KLHDC8A: variants seen among roughly 807,000 people sequenced by gnomAD.
The protein encoded by KLHDC8A is kelch domain-containing protein 8A.
In KLHDC8A, 21 loss-of-function variants were observed where a neutral mutation model predicts 33.1. The ratio of observed to expected loss-of-function variants is 0.64; its 90% CI spans 0.45 to 0.91. The LOEUF (loss-of-function observed/expected upper bound fraction) is 0.91, where lower values mean the gene tolerates loss of function less well. Ranked by LOEUF, KLHDC8A falls within the 40% of genes least tolerant of loss-of-function variation. The probability of loss-of-function intolerance (pLI) is 0.00; values close to 1 mark genes in which losing one functional copy is unlikely to be tolerated. For missense variants in KLHDC8A, 435 were observed against 483.3 expected, an observed-to-expected ratio of 0.90 and a Z score of 0.94; for synonymous variants, 173 against 193.5, an observed-to-expected ratio of 0.89 and a Z score of 0.88.
rs968343402 is a variant in KLHDC8A at position 205,343,834 on chromosome 1, C to G, written c.-189-41G>C. ...GGTGAATCAAGGGCAGCTGGGGCCA[C>G]GCGCCCTCCGGCGGGCAGCGGATGG... is the stretch of plus-strand genomic sequence containing the variant. On this transcript the variant is annotated intron_variant, in intron 1 of 5. Transcript: ENST00000367155. 5 of 511,760 alleles carry G rather than the reference C, an allele frequency of 9.8e-6. No individual in the cohort carries two copies. The Middle Eastern group carries it at 1.5e-3, about 153-fold the overall frequency. The allele number at this position is 511,760 out of a possible 1,614,324, so 31.7% of individuals were successfully genotyped here. A position where few individuals can be genotyped will look rare whatever the true frequency, so the allele number is the denominator to read the frequency against.
intron 1 of KLHDC8A, chr1:205,351,601 TCAAAAAAAA>T: frequency 3.5e-5 from 9 of 257,812 alleles, no homozygotes; most frequent in East Asian, 9.0e-5. Flanking sequence ...TCTGTAATAG[TCAAAAAAAA>T]AAAAAAAAAA....
intron 1 of KLHDC8A, among the ~76,000 whole-genome samples, chr1:205,352,981 G>A (rs1021185469): frequency 2.0e-5 from 3 of 152,210 alleles, no homozygotes; most frequent in African/African-American, 7.2e-5. Flanking sequence ...ACCACCACTA[G>A]GGATCCAGTG....
At chr1:205,355,194 A>G (rs1663233271) in intron 1 of KLHDC8A, among the ~76,000 whole-genome samples, 1 of 152,160 alleles carries the variant, frequency 6.6e-6, no homozygotes, top group South Asian at 2.1e-4. Context: ...AGATGCTGGG[A>G]GCCCAAAGTC....
chr1:205,346,039 A>G (rs1186689408), intron 1 of KLHDC8A, among the ~76,000 whole-genome samples: 1 of 152,166 alleles, frequency 6.6e-6, no homozygotes, highest in African/African-American at 2.4e-5. Flanking sequence ...GCACCATTGC[A>G]CTCCATCCAA....
Position 205,356,663 on chromosome 1 carries a change from C to A in KLHDC8A, c.-320G>T, listed in dbSNP as rs1405920847. 2.2e-6 allele frequency: 1 copy of A among 449,654 alleles called. No homozygotes were observed. Among genetic ancestry groups the A allele is most frequent in the Non-Finnish European group, 4.5e-6 (1 of 223,860 alleles). The allele number at this position is 449,654 out of a possible 1,614,324, so 27.9% of individuals were successfully genotyped here. On this transcript the variant is annotated 5_prime_UTR_variant, in exon 1 of 6. Coordinates refer to ENST00000367155, the MANE Select transcript of KLHDC8A (RefSeq NM_018203.3). ...AGGAGCTGGCTGGGAATAGAGTCGG[C>A]AAGGTCCCCAGGGTCCCCAGGGCTT...
chr1:205,339,859 G>C lies in KLHDC8A; in HGVS notation c.377-51C>G, dbSNP rs1362870663. Reference sequence around the variant, plus strand: ...CTGGCTTAGCTCACAGGTACAGCAAGACAGGCCCACCAGCATCTATTGCCT... The same window carrying C: ...CTGGCTTAGCTCACAGGTACAGCAACACAGGCCCACCAGCATCTATTGCCT... On this transcript the variant is annotated intron_variant, in intron 2 of 5. Coordinates refer to ENST00000367155, the MANE Select transcript of KLHDC8A (RefSeq NM_018203.3). This position sits in a 1 kb window ranked among gnomAD's most constrained non-coding sequence, Gnocchi z 5.1. 2 of 1,568,690 alleles carry C rather than the reference G, an allele frequency of 1.3e-6. No homozygotes were observed. Among genetic ancestry groups the C allele is most frequent in the South Asian group, 1.2e-5 (1 of 86,302 alleles).
chr1:205,345,078 C>A (rs1574910895), intron 1 of KLHDC8A, among the ~76,000 whole-genome samples: 1 of 152,150 alleles, frequency 6.6e-6, no homozygotes, highest in African/African-American at 2.4e-5. Flanking sequence ...ACAAAGGTGC[C>A]CATGAGGCCA....
rs755031202 is a variant in KLHDC8A at position 205,343,542 on chromosome 1, C to T, written c.63G>A (p.Arg21=). 13 of 1,612,490 alleles carry T rather than the reference C, an allele frequency of 8.1e-6. No individual in the cohort carries two copies. In the South Asian group the frequency reaches 1.3e-4, roughly 16 times the overall value. Residue 21 remains arginine (R), a synonymous_variant, in exon 2 of 6, where the codon CGG becomes CGA. Transcript: ENST00000367155. ...WKRLAPLPSR[R]VYCSLLETGG... is the part of the protein sequence containing the mutation. ...CGGTCTCCAGCAGGGAGCAGTAGAC[C>T]CGGCGGCTGGGCAGTGGCGCCAGGC...
intron 1 of KLHDC8A, among the ~76,000 whole-genome samples, chr1:205,353,820 C>G (rs1305016782): frequency 6.6e-6 from 1 of 152,232 alleles, no homozygotes. Flanking sequence ...GACATTTACT[C>G]TGTTTATCAC....
chr1:205,344,405 A>C (rs1662889696), intron 1 of KLHDC8A: 1 of 152,384 alleles, frequency 6.6e-6, no homozygotes, highest in Non-Finnish European at 1.5e-5. Context: ...GTCCCGGGAC[A>C]CAGCGTGCTG....
Position 205,339,085 on chromosome 1 carries a change from C to A in KLHDC8A, c.757+109G>T, listed in dbSNP as rs1182244751. The A allele has an allele frequency of 6.9e-6, 6 of 869,014 alleles. No individual in the cohort carries two copies. The East Asian group carries it at 1.3e-4, about 19-fold the overall frequency. 53.8% of individuals were successfully genotyped at this position (869,014 alleles called of 1,614,324 possible). A position where few individuals can be genotyped will look rare whatever the true frequency, so the allele number is the denominator to read the frequency against. ...TGCTGAGACTTCTGAGAAGCTTGCCCAGCTGGGTAAACGGCCCTGGAAGAT... is the reference window on the plus strand; with the variant it reads ...TGCTGAGACTTCTGAGAAGCTTGCCAAGCTGGGTAAACGGCCCTGGAAGAT... On this transcript the variant is annotated intron_variant, in intron 4 of 5. Transcript: ENST00000367155. The surrounding 1 kb of genome is among the most constrained non-coding windows in gnomAD (Gnocchi z 5.1).
At chr1:205,338,696 G>A in intron 4 of KLHDC8A, 100 bp from the exon 5 acceptor site, 2 of 870,980 alleles carry the variant, frequency 2.3e-6, no homozygotes, top group African/African-American at 1.6e-5. Context: ...ACCCTGGGCA[G>A]TGTCTTCACT....
chr1:205,348,031 C>T (rs1167790280), intron 1 of KLHDC8A, among the ~76,000 whole-genome samples: 1 of 152,192 alleles, frequency 6.6e-6, no homozygotes. Flanking sequence ...CAGGCATGCA[C>T]CACCTTGACA....
chr1:205,350,793 G>A lies in KLHDC8A; in HGVS notation c.-190+5740C>T, dbSNP rs912890297. On this transcript the variant is annotated intron_variant, in intron 1 of 5. Coordinates refer to ENST00000367155, the MANE Select transcript of KLHDC8A (RefSeq NM_018203.3). ...GGGCCAGCCTGCCTATCATGATGGC[G>A]TGCGTGCCTGTGTGTGCATGTGTGT... 6.4e-5 allele frequency among the ~76,000 whole-genome samples: 6 copies of A among 93,264 alleles called. No individual in the cohort carries two copies. The East Asian group carries it at 1.9e-3, about 29-fold the overall frequency. The allele number at this position is 93,264 out of a possible 152,430, so 61.2% of individuals were successfully genotyped here. A position where few individuals can be genotyped will look rare whatever the true frequency, so the allele number is the denominator to read the frequency against.
chr1:205,354,793 CAATT>C (rs1663218609), intron 1 of KLHDC8A, among the ~76,000 whole-genome samples: 1 of 152,172 alleles, frequency 6.6e-6, no homozygotes, highest in Non-Finnish European at 1.5e-5. Flanking sequence ...ATGAATAAGG[CAATT>C]AATCATGATG....
At chr1:205,349,723 AACCTGAAAC>A (rs1487676263) in intron 1 of KLHDC8A, among the ~76,000 whole-genome samples, 1 of 152,196 alleles carries the variant, frequency 6.6e-6, no homozygotes, top group African/African-American at 2.4e-5. Context: ...CAATGTCAGA[AACCTGAAAC>A]ACCAGCATGA....
intron 1 of KLHDC8A, 94 bp downstream of exon 1, chr1:205,356,439 C>T: frequency 2.3e-6 from 1 of 436,360 alleles, no homozygotes; most frequent in Non-Finnish European, 4.7e-6. Flanking sequence ...CTGGGCAGCC[C>T]TCCTCTCACA....
At chr1:205,354,779 A>G (rs775958139) in intron 1 of KLHDC8A, among the ~76,000 whole-genome samples, 1 of 152,258 alleles carries the variant, frequency 6.6e-6, no homozygotes, top group Non-Finnish European at 1.5e-5. Flanking sequence ...GAATGAATGA[A>G]TGGATGAATA....
rs1662645397 is a variant in KLHDC8A at position 205,336,778 on chromosome 1, A to G, written c.*621T>C. The stretch of plus-strand genomic sequence containing the variant: ...TCACACATGCCCATCAAGGACCCCA[A>G]GAGGAAGGGATTCTTCCTGCCATGG... On this transcript the variant is annotated 3_prime_UTR_variant, in exon 6 of 6. Transcript: ENST00000367155. The G allele has an allele frequency of 6.5e-6, 1 of 153,264 alleles. No individual in the cohort carries two copies. The highest frequency in any genetic ancestry group is 6.5e-5 in the Admixed American group (1 of 15,502). 9.5% of individuals were successfully genotyped at this position (153,264 alleles called of 1,614,324 possible).
Sources: gnomAD v4.1 joint callset for allele counts (sites outside exome capture counted in the v4.1 genomes callset) on GRCh38, gnomAD v4.1.1 for gene constraint, Gnocchi (gnomAD v3.1) non-coding constraint, MANE v1.5 for transcripts, NCBI Gene and HGNC (gene_info 2026-07-23, HGNC 2026-07-21) for gene names.